C13orf42: variants seen among roughly 807,000 people sequenced by gnomAD.
C13orf42 encodes chromosome 13 open reading frame 42, also known as uncharacterized protein C13orf42.
At chr13:51,084,740 CT>C (rs1953104107) in intron 3 of C13orf42, among the ~76,000 whole-genome samples, 1 of 152,188 alleles carries the variant, frequency 6.6e-6, no homozygotes, top group Non-Finnish European at 1.5e-5. Flanking sequence ...CCAGAAAGAG[CT>C]TACTGCTCTG....
At chr13:51,168,300 G>T (rs1054987023) in intron 1 of C13orf42, among the ~76,000 whole-genome samples, 13 of 152,200 alleles carry the variant, frequency 8.5e-5, no homozygotes, top group Admixed American at 1.3e-4. Flanking sequence ...GTTTCTCACT[G>T]TCTGGTAAAG....
intron 1 of C13orf42, among the ~76,000 whole-genome samples, chr13:51,108,828 G>A (rs902308870): frequency 3.3e-5 from 5 of 152,210 alleles, no homozygotes; most frequent in African/African-American, 1.2e-4. Flanking sequence ...TGTGGTGAGA[G>A]GCATCTCCGA....
intron 1 of C13orf42, among the ~76,000 whole-genome samples, chr13:51,095,817 C>G (rs925446738): frequency 1.5e-4 from 23 of 151,892 alleles, no homozygotes; most frequent in Non-Finnish European, 5.9e-5. Flanking sequence ...TAAAATTTTC[C>G]TGTCTGATAG....
chr13:51,119,235 C>T (rs1953515045), intron 1 of C13orf42, among the ~76,000 whole-genome samples: 1 of 152,038 alleles, frequency 6.6e-6, no homozygotes, highest in African/African-American at 2.4e-5. Context: ...TGCAGATCCT[C>T]AAGTCATCAA....
chr13:51,116,533 A>T (rs578072347), intron 1 of C13orf42, among the ~76,000 whole-genome samples: 1 of 152,346 alleles, frequency 6.6e-6, no homozygotes, highest in East Asian at 1.9e-4. Context: ...GCCTGGGTAC[A>T]GTGTACAACC....
intron 1 of C13orf42, among the ~76,000 whole-genome samples, chr13:51,097,584 T>C (rs1159965311): frequency 6.6e-6 from 1 of 152,112 alleles, no homozygotes; most frequent in Non-Finnish European, 1.5e-5. Flanking sequence ...CCCGCAGAGA[T>C]TCCTTCAGGG....
At chr13:51,117,941 G>A (rs1953504956) in intron 1 of C13orf42, among the ~76,000 whole-genome samples, 1 of 152,194 alleles carries the variant, frequency 6.6e-6, no homozygotes, top group South Asian at 2.1e-4. Flanking sequence ...AAGTGGCTCA[G>A]AAGAAAGTAT....
chr13:51,103,469 G>A (rs539034826), intron 1 of C13orf42, among the ~76,000 whole-genome samples: 10 of 152,258 alleles, frequency 6.6e-5, no homozygotes, highest in South Asian at 4.1e-4. Context: ...TTGGGAGGCC[G>A]AGGCGGGTGG....
At chr13:51,122,055 T>C (rs1175620070) in intron 1 of C13orf42, among the ~76,000 whole-genome samples, 2 of 152,156 alleles carry the variant, frequency 1.3e-5, no homozygotes, top group African/African-American at 4.8e-5. Context: ...CACAAATGTG[T>C]TGTTTTGAAG....
At chr13:51,096,057 G>A (rs1953231953) in intron 1 of C13orf42, among the ~76,000 whole-genome samples, 1 of 152,160 alleles carries the variant, frequency 6.6e-6, no homozygotes, top group Non-Finnish European at 1.5e-5. Flanking sequence ...AGCTGGGACT[G>A]GGACTGTTGT....
chr13:51,153,880 G>A (rs1213807955), intron 1 of C13orf42, among the ~76,000 whole-genome samples: 3 of 151,774 alleles, frequency 2.0e-5, no homozygotes, highest in Non-Finnish European at 2.9e-5. Context: ...GCAATCTACC[G>A]CCTCGGCCTC....
intron 1 of C13orf42, among the ~76,000 whole-genome samples, chr13:51,107,120 C>G (rs949876702): frequency 2.6e-5 from 4 of 152,202 alleles, no homozygotes; most frequent in African/African-American, 4.8e-5. Context: ...CTCCCATCGA[C>G]CCACATGGGT....
At chr13:51,100,051 A>G (rs1456767648) in intron 1 of C13orf42, among the ~76,000 whole-genome samples, 1 of 152,220 alleles carries the variant, frequency 6.6e-6, no homozygotes, top group African/African-American at 2.4e-5. Flanking sequence ...TTTTATATAC[A>G]TGCCAGTTGT....
intron 1 of C13orf42, among the ~76,000 whole-genome samples, chr13:51,097,600 G>C (rs953956783): frequency 2.0e-5 from 3 of 152,106 alleles, no homozygotes; most frequent in African/African-American, 7.2e-5. Flanking sequence ...CAGGGCTCAG[G>C]CTATTGTCAC....
At chr13:51,126,881 A>T in intron 1 of C13orf42, among the ~76,000 whole-genome samples, 1 of 152,272 alleles carries the variant, frequency 6.6e-6, no homozygotes, top group South Asian at 2.1e-4. Context: ...AGATGAGAGA[A>T]GGGCCTGGTG....
chr13:51,132,435 C>CA lies in C13orf42; in HGVS notation n.137-19214dup, dbSNP rs879606038. Among the ~76,000 whole-genome samples, 290 of 132,208 alleles carry CA rather than the reference C, an allele frequency of 2.2e-3. 1 individual carries two copies. The highest frequency in any genetic ancestry group is 9.8e-3 in the East Asian group (45 of 4,572). The allele number at this position is 132,208 out of a possible 152,430, so 86.7% of individuals were successfully genotyped here. A position where few individuals can be genotyped will look rare whatever the true frequency, so the allele number is the denominator to read the frequency against. ...TGACAGACAGACTCCGTCTCAAAAA[C>CA]AAAAAAAAAAAAGCAGGATAAGCTT... On this transcript the variant is annotated intron_variant and non_coding_transcript_variant, in intron 1 of 4. Transcript: ENST00000433280.
chr13:51,171,499 T>C (rs59233144), intron 1 of C13orf42, among the ~76,000 whole-genome samples: 6,711 of 152,072 alleles, frequency 0.044, 519 homozygotes, highest in African/African-American at 0.15. Context: ...GTCTTTCTAA[T>C]CTTCCTTTTC....
rs777489794 is a variant in C13orf42, at chr13:51,108,796, C to A, written c.414+2000G>T. Reference sequence around the variant, plus strand: ...GGTCTGATTGACTTCAGTGTCCTTTCAAAACTCTTTCCTGATTGCGCTGTG... The same window carrying A: ...GGTCTGATTGACTTCAGTGTCCTTTAAAAACTCTTTCCTGATTGCGCTGTG... On this transcript the variant is annotated intron_variant, in intron 1 of 3. Transcript: ENST00000563710. 3.3e-5 allele frequency among the ~76,000 whole-genome samples: 5 copies of A among 152,212 alleles called. 1 individual carries two copies. The South Asian group carries it at 1.0e-3, about 32-fold the overall frequency.
At chr13:51,138,730 T>G (rs572022863) in intron 1 of C13orf42, among the ~76,000 whole-genome samples, 1 of 152,282 alleles carries the variant, frequency 6.6e-6, no homozygotes, top group East Asian at 1.9e-4. Context: ...CAATGCTACT[T>G]CTGGGTATTT....
Sources: gnomAD v4.1 joint callset for allele counts (sites outside exome capture counted in the v4.1 genomes callset) on GRCh38, gnomAD v4.1.1 for gene constraint, MANE v1.5 for transcripts, NCBI Gene and HGNC (gene_info 2026-07-23, HGNC 2026-07-21) for gene names.